MYO16: variants seen among roughly 807,000 people sequenced by gnomAD.
The protein encoded by MYO16 is unconventional myosin-XVI.
A neutral mutation model predicts 205.3 loss-of-function variants in MYO16; 94 were observed. The ratio of observed to expected loss-of-function variants is 0.46; its 90% confidence interval spans 0.39 to 0.54. MYO16 has a LOEUF of 0.54. Ranked by LOEUF, MYO16 falls within the 20% of genes least tolerant of loss-of-function variation. The pLI is 0.00. For missense variants in MYO16, 2,315 were observed against 2,387.5 expected, an observed-to-expected ratio of 0.97 and a Z score of 0.63; for synonymous variants, 988 against 954.0, an observed-to-expected ratio of 1.04 and a Z score of -0.66.
At chr13:109,180,687 T>C (rs980626777) in intron 34 of MYO16, among the ~76,000 whole-genome samples, 1 of 152,238 alleles carries the variant, frequency 6.6e-6, no homozygotes, top group Non-Finnish European at 1.5e-5. Context: ...AGTTTGAATC[T>C]TAAGAATAAA....
At chr13:108,838,674 A>ATATAT (rs1286109846) in intron 9 of MYO16, among the ~76,000 whole-genome samples, 1 of 117,898 alleles carries the variant, frequency 8.5e-6, no homozygotes, top group Non-Finnish European at 1.7e-5. Context: ...TCAAAAAAAA[A>ATATAT]AAAAATATAT....
rs537828960 is a variant in MYO16 at position 109,205,585 on chromosome 13, A to AT, written c.5416-1014dup. Among the ~76,000 whole-genome samples the AT allele has an allele frequency of 1.0e-3, 151 of 150,636 alleles. 3 individuals are homozygous for AT. In the South Asian group the frequency reaches 0.026, roughly 26 times the overall value. On this transcript the variant is annotated intron_variant, in intron 34 of 34. Coordinates refer to ENST00000457511, the MANE Select transcript of MYO16 (RefSeq NM_001198950.3). ...TTCCTATTCGGATTTCCAGAATCTC[A>AT]TTTTTTTTTTAAACCAGTATACTTC...
chr13:108,947,759 G>A lies in MYO16; in HGVS notation c.1926-9929G>A, dbSNP rs145166762. ...TACGATCATTCACTATGTGTAAGGT[G>A]TCAAGAGTTTTGAATTTGTTTCACC... On this transcript the variant is annotated intron_variant, in intron 16 of 34. Coordinates refer to ENST00000457511, the MANE Select transcript of MYO16 (RefSeq NM_001198950.3). 2.0e-3 allele frequency among the ~76,000 whole-genome samples: 312 copies of A among 152,346 alleles called. 2 individuals carry two copies. The highest frequency in any genetic ancestry group is 3.7e-3 in the Non-Finnish European group (250 of 68,032).
chr13:108,914,191 TCTA>T (rs1404020844), intron 16 of MYO16, among the ~76,000 whole-genome samples: 1 of 148,974 alleles, frequency 6.7e-6, no homozygotes, highest in Non-Finnish European at 1.5e-5. Context: ...GATAATTATA[TCTA>T]CTATTGTTAA....
intron 28 of MYO16, among the ~76,000 whole-genome samples, chr13:109,114,231 C>G (rs1020514574): frequency 2.0e-5 from 3 of 152,138 alleles, no homozygotes; most frequent in Non-Finnish European, 2.9e-5. Flanking sequence ...GTCCACAGAC[C>G]ACCGTCACCG....
chr13:108,827,986 AG>A (rs1478033803), intron 9 of MYO16, among the ~76,000 whole-genome samples: 2 of 151,630 alleles, frequency 1.3e-5, no homozygotes, highest in Non-Finnish European at 2.9e-5. Flanking sequence ...CATTGATGAA[AG>A]GGTTTTTTTT....
At chr13:109,122,507 C>T (rs548592429) in intron 29 of MYO16, among the ~76,000 whole-genome samples, 19 of 151,994 alleles carry the variant, frequency 1.3e-4, no homozygotes, top group African/African-American at 3.4e-4. Flanking sequence ...AGTGAAACCC[C>T]GTCTCTACTA....
At chr13:109,154,054 C>T (rs1035261889) in intron 32 of MYO16, among the ~76,000 whole-genome samples, 3 of 152,196 alleles carry the variant, frequency 2.0e-5, no homozygotes, top group Non-Finnish European at 4.4e-5. Context: ...GAGATGCAAC[C>T]GCTACGGCTA....
At chr13:108,905,690 C>T (rs1025148028) in intron 15 of MYO16, among the ~76,000 whole-genome samples, 23 of 152,146 alleles carry the variant, frequency 1.5e-4, no homozygotes, top group African/African-American at 4.1e-4. Flanking sequence ...ATTTTATGGT[C>T]TCATATGGCT....
At chr13:108,582,346 T>C in the MYO16 span, among the ~76,000 whole-genome samples, 1 of 152,136 alleles carries the variant, frequency 6.6e-6, no homozygotes, top group East Asian at 1.9e-4. Context: ...TCCACATGTA[T>C]GAGTTCAGTC....
intron 10 of MYO16, among the ~76,000 whole-genome samples, chr13:108,851,694 T>G (rs1877876190): frequency 6.6e-6 from 1 of 152,110 alleles, no homozygotes. Context: ...CAAAGTCCAA[T>G]CCATTCCTCC....
At chr13:108,955,036 G>A (rs1434749486) in intron 16 of MYO16, among the ~76,000 whole-genome samples, 2 of 152,174 alleles carry the variant, frequency 1.3e-5, no homozygotes, top group South Asian at 4.1e-4. Context: ...CGCAGCAAAT[G>A]TCTTAGGTTC....
intron 27 of MYO16, among the ~76,000 whole-genome samples, chr13:109,072,747 T>C (rs1222328718): frequency 6.6e-6 from 1 of 152,208 alleles, no homozygotes; most frequent in Non-Finnish European, 1.5e-5. Flanking sequence ...AAGGTTGTGA[T>C]AAGACATAGA....
At chr13:108,651,462 A>G (rs75949856) in intron 1 of MYO16, among the ~76,000 whole-genome samples, 6,855 of 152,334 alleles carry the variant, frequency 0.045, 186 homozygotes, top group South Asian at 0.13. Context: ...GAAATATGGT[A>G]AGGGAAATAG....
At chr13:108,848,691 G>A (rs964925501) in intron 10 of MYO16, among the ~76,000 whole-genome samples, 8 of 152,008 alleles carry the variant, frequency 5.3e-5, no homozygotes, top group Non-Finnish European at 8.8e-5. Flanking sequence ...GGCACACACC[G>A]GTGGTCCCAC....
intron 34 of MYO16, among the ~76,000 whole-genome samples, chr13:109,184,336 G>A (rs888267099): frequency 1.5e-4 from 23 of 152,268 alleles, no homozygotes; most frequent in African/African-American, 5.3e-4. Context: ...AGTAAATTAA[G>A]TTGATGTGTG....
intron 10 of MYO16, among the ~76,000 whole-genome samples, chr13:108,847,796 T>A (rs1005803115): frequency 6.6e-6 from 1 of 152,164 alleles, no homozygotes; most frequent in Non-Finnish European, 1.5e-5. Context: ...TCTCTTCCCT[T>A]TCCCTCCTGG....
At chr13:108,986,285 T>A (rs1397187581) in intron 20 of MYO16, among the ~76,000 whole-genome samples, 1 of 152,096 alleles carries the variant, frequency 6.6e-6, no homozygotes, top group Non-Finnish European at 1.5e-5. Context: ...GTGCACGTTA[T>A]GTGTAAAGTT....
rs370153899 is a variant in MYO16, at chr13:108,654,432, C to T, written c.29-11454C>T. 2.2e-3 allele frequency among the ~76,000 whole-genome samples: 329 copies of T among 152,260 alleles called. 8 individuals are homozygous for T. In the South Asian group the frequency reaches 0.062, roughly 29 times the overall value. On this transcript the variant is annotated intron_variant, in intron 1 of 34. Transcript: ENST00000457511. ...CATGTAAGAAGTGCCTTTTGCCTTC[C>T]GCCATGATTCTGAGGCGTCCCCAGC... is the stretch of plus-strand genomic sequence containing the variant.
Sources: allele counts gnomAD v4.1 joint callset (sites outside exome capture counted in the v4.1 genomes callset), GRCh38; gene constraint gnomAD v4.1.1; transcripts MANE v1.5; gene names NCBI Gene and HGNC (gene_info 2026-07-23, HGNC 2026-07-21).